Variants in ROBO1 observed in about 807,000 individuals in gnomAD.
The protein encoded by ROBO1 is roundabout homolog 1.
A neutral mutation model predicts 195.9 loss-of-function variants in ROBO1; 149 were observed. The ratio of observed to expected loss-of-function variants is 0.76; its 90% CI spans 0.67 to 0.87. The LOEUF (loss-of-function observed/expected upper bound fraction) is 0.87. Ranked by LOEUF, ROBO1 falls within the 40% of genes least tolerant of loss-of-function variation. ROBO1 has a pLI of 0.00. For missense variants in ROBO1, 1,933 were observed against 2,068.3 expected (o/e 0.93, Z 1.27); for synonymous variants, 816 against 733.2 (o/e 1.11, Z -1.82).
chr3:78,898,351 A>G (rs553585957), intron 4 of ROBO1, among the ~76,000 whole-genome samples: 130 of 146,566 alleles, frequency 8.9e-4, no homozygotes, highest in Admixed American at 1.4e-3. Flanking sequence ...AGACAGATAT[A>G]TATATAGACA....
At chr3:78,773,186 T>G (rs2083421332) in intron 4 of ROBO1, among the ~76,000 whole-genome samples, 1 of 152,122 alleles carries the variant, frequency 6.6e-6, no homozygotes, top group Non-Finnish European at 1.5e-5. Context: ...AGTTTAATAC[T>G]ATTATTATCC....
intron 1 of ROBO1, among the ~76,000 whole-genome samples, chr3:79,699,327 CG>C (rs1576248873): frequency 1.3e-5 from 2 of 151,270 alleles, no homozygotes; most frequent in East Asian, 2.0e-4. Context: ...GCACAGGGAG[CG>C]CCCCCTACAT....
At chr3:78,945,667 G>T (rs976180729) in intron 3 of ROBO1, among the ~76,000 whole-genome samples, 2 of 152,176 alleles carry the variant, frequency 1.3e-5, no homozygotes, top group Non-Finnish European at 2.9e-5. Context: ...AAACTGGATG[G>T]AGAATGACTT....
intron 2 of ROBO1, among the ~76,000 whole-genome samples, chr3:79,378,139 ATCTCTCTTATGGTCACTCTCTCTCTCTC>A (rs2109360089): frequency 6.9e-6 from 1 of 143,952 alleles, no homozygotes; most frequent in African/African-American, 2.7e-5. Flanking sequence ...AACATACTAA[ATCTCTCTTATGGTCACTCTCTCTCTCTC>A]TCTCTCTCTC....
intron 3 of ROBO1, among the ~76,000 whole-genome samples, chr3:79,054,694 C>A (rs1381078573): frequency 6.6e-6 from 1 of 152,070 alleles, no homozygotes; most frequent in Non-Finnish European, 1.5e-5. Context: ...GCAAACACGG[C>A]CAAATGCTGC....
chr3:79,260,833 T>C (rs2082926016), intron 2 of ROBO1, among the ~76,000 whole-genome samples: 1 of 152,126 alleles, frequency 6.6e-6, no homozygotes, highest in African/African-American at 2.4e-5. Context: ...AAAATCATGA[T>C]ATCTAATTTT....
chr3:78,776,827 T>G (rs945433094), intron 4 of ROBO1, among the ~76,000 whole-genome samples: 26 of 152,172 alleles, frequency 1.7e-4, no homozygotes, highest in African/African-American at 5.8e-4. Context: ...GTGCTTGAAT[T>G]TAATCATATA....
chr3:79,057,283 C>G (rs980965776), intron 3 of ROBO1, among the ~76,000 whole-genome samples: 1 of 152,030 alleles, frequency 6.6e-6, no homozygotes, highest in Non-Finnish European at 1.5e-5. Flanking sequence ...TTCCCCAAAC[C>G]TTTAAATATT....
At chr3:79,565,929 G>A (rs1297043794) in intron 2 of ROBO1, among the ~76,000 whole-genome samples, 3 of 152,048 alleles carry the variant, frequency 2.0e-5, no homozygotes, top group Non-Finnish European at 4.4e-5. Context: ...GAAACCACAA[G>A]TCCAATAATT....
intron 2 of ROBO1, among the ~76,000 whole-genome samples, chr3:79,519,628 C>CAAAAAAAAAAAAAAAAAAAAAAAAA (rs71631657): frequency 1.5e-5 from 1 of 64,714 alleles, no homozygotes; most frequent in Non-Finnish European, 2.9e-5. Flanking sequence ...GACTCCTGCT[C>CAAAAAAAAAAAAAAAAAAAAAAAAA]AAAAAAAAAA....
At chr3:78,688,886 AAC>A (rs2081109728) in intron 8 of ROBO1, 114 bp from the exon 9 acceptor site, 2 of 1,035,068 alleles carry the variant, frequency 1.9e-6, no homozygotes, top group Non-Finnish European at 2.6e-6. Context: ...TGTTATGTAA[AAC>A]AGTCATGATA....
intron 8 of ROBO1, among the ~76,000 whole-genome samples, chr3:78,694,418 A>T (rs2081242392): frequency 6.6e-6 from 1 of 152,220 alleles, no homozygotes; most frequent in African/African-American, 2.4e-5. Context: ...GTTATAAAGC[A>T]AAGATAAAAT....
At chr3:79,529,979 A>C (rs1941582454) in intron 2 of ROBO1, among the ~76,000 whole-genome samples, 1 of 152,138 alleles carries the variant, frequency 6.6e-6, no homozygotes, top group Non-Finnish European at 1.5e-5. Flanking sequence ...TTTAAGGTAA[A>C]ATAGTTAAGC....
intron 3 of ROBO1, among the ~76,000 whole-genome samples, chr3:78,980,883 C>T (rs1374890): frequency 0.94 from 142,467 of 152,290 alleles, 67,105 homozygotes; most frequent in East Asian, 1. Context: ...TTGGAAATAA[C>T]TTGTGAGTTT....
chr3:78,899,641 T>C (rs770778659), intron 4 of ROBO1, among the ~76,000 whole-genome samples: 15 of 152,182 alleles, frequency 9.9e-5, no homozygotes, highest in Non-Finnish European at 2.1e-4. Context: ...TAAGATCTTA[T>C]ATTCAAAAGT....
At chr3:79,439,187 T>C (rs1288580281) in intron 2 of ROBO1, among the ~76,000 whole-genome samples, 3 of 152,054 alleles carry the variant, frequency 2.0e-5, no homozygotes, top group African/African-American at 7.2e-5. Context: ...AATATATGTC[T>C]ACAATGCTTA....
At chr3:79,008,844 C>A (rs1428077631) in intron 3 of ROBO1, among the ~76,000 whole-genome samples, 5 of 150,400 alleles carry the variant, frequency 3.3e-5, no homozygotes, top group Non-Finnish European at 7.4e-5. Flanking sequence ...CCACCTCAAT[C>A]TCCCGAAGTA....
chr3:79,113,455 G>T (rs932927437), intron 3 of ROBO1, among the ~76,000 whole-genome samples: 2 of 151,722 alleles, frequency 1.3e-5, no homozygotes, highest in Admixed American at 6.6e-5. Flanking sequence ...TCAAATGAAA[G>T]AACACATCCC....
intron 3 of ROBO1, among the ~76,000 whole-genome samples, chr3:79,016,470 A>G (rs189758506): frequency 5.9e-4 from 90 of 152,358 alleles, no homozygotes; most frequent in African/African-American, 2.1e-3. Context: ...AAAGCTAGAA[A>G]TCAGTGTAGC....
Sources: allele counts gnomAD v4.1 joint callset (sites outside exome capture counted in the v4.1 genomes callset), GRCh38; gene constraint gnomAD v4.1.1; transcripts MANE v1.5; gene names NCBI Gene and HGNC (gene_info 2026-07-23, HGNC 2026-07-21).